Variants in FSTL4 observed in about 807,000 individuals in gnomAD.
FSTL4 encodes the protein follistatin like 4.
FSTL4 carries 28 observed loss-of-function variants against 78.2 expected under a neutral mutation model. That is an observed-to-expected ratio of 0.36 (90% confidence interval 0.27 to 0.49). FSTL4 has a LOEUF of 0.49. Among genes scored for constraint, FSTL4 ranks in the 20% least tolerant of loss-of-function variants. FSTL4 has a pLI of 0.98. For missense variants in FSTL4, 922 were observed against 1,084.9 expected, an observed-to-expected ratio of 0.85 and a Z score of 2.11; for synonymous variants, 422 against 440.5, an observed-to-expected ratio of 0.96 and a Z score of 0.53.
intron 12 of FSTL4, among the ~76,000 whole-genome samples, chr5:133,220,488 A>G (rs1242166703): frequency 2.0e-5 from 3 of 152,204 alleles, no homozygotes; most frequent in Non-Finnish European, 4.4e-5. Context: ...TTGACTGTGA[A>G]TTTCTGGAGG....
chr5:133,450,589 G>A (rs545275729), intron 3 of FSTL4, among the ~76,000 whole-genome samples: 62 of 152,354 alleles, frequency 4.1e-4, no homozygotes, highest in Admixed American at 1.7e-3. Flanking sequence ...GCAAGTGGAC[G>A]AGCTGGCATC....
chr5:133,840,429 T>C, the FSTL4 span, among the ~76,000 whole-genome samples: 1 of 152,124 alleles, frequency 6.6e-6, no homozygotes, highest in Non-Finnish European at 1.5e-5. Context: ...TTGCTGATAA[T>C]AAAAAATGGA....
At chr5:133,200,965 A>G (rs925222079) in intron 15 of FSTL4, among the ~76,000 whole-genome samples, 3 of 152,220 alleles carry the variant, frequency 2.0e-5, no homozygotes, top group East Asian at 1.9e-4. Flanking sequence ...CCTCAGCTGA[A>G]TACAGCTGCT....
chr5:133,532,859 C>T (rs1759284474), intron 3 of FSTL4, among the ~76,000 whole-genome samples: 1 of 152,016 alleles, frequency 6.6e-6, no homozygotes, highest in East Asian at 1.9e-4. Flanking sequence ...TGGTCAAGGG[C>T]CCTGGAGTCT....
Position 133,497,880 on chromosome 5 carries a change from G to T in FSTL4, c.160+69306C>A, listed in dbSNP as rs1002128818. Reference sequence around the variant, plus strand: ...GTGAAGGTTTACAGAAAGGAAATTCGCATGAAAGATTTTATCTAGAAGGTG... The same window carrying T: ...GTGAAGGTTTACAGAAAGGAAATTCTCATGAAAGATTTTATCTAGAAGGTG... On this transcript the variant is annotated intron_variant, in intron 3 of 15. Transcript: ENST00000265342. Among the ~76,000 whole-genome samples the T allele has an allele frequency of 6.6e-5, 10 of 152,246 alleles. No individual in the cohort carries two copies. The East Asian group carries it at 1.9e-3, about 29-fold the overall frequency.
At chr5:133,732,386 G>A in the FSTL4 span, among the ~76,000 whole-genome samples, 1 of 152,108 alleles carries the variant, frequency 6.6e-6, no homozygotes, top group African/African-American at 2.4e-5. Context: ...AGAACCAGAG[G>A]GCTGGAGACA....
chr5:133,311,465 G>A (rs1365677925), intron 6 of FSTL4, among the ~76,000 whole-genome samples: 1 of 152,138 alleles, frequency 6.6e-6, no homozygotes, highest in Non-Finnish European at 1.5e-5. Flanking sequence ...TCAAGCTCAT[G>A]GACACTGCCC....
chr5:133,736,763 T>C, the FSTL4 span, among the ~76,000 whole-genome samples: 78 of 152,258 alleles, frequency 5.1e-4, no homozygotes, highest in African/African-American at 1.8e-3. Context: ...AGCCTGCTGG[T>C]GTCCAACCTG....
At chr5:133,202,327 C>G (rs997984539) in intron 14 of FSTL4, 1 of 224,644 alleles carries the variant, frequency 4.5e-6, no homozygotes, top group Non-Finnish European at 8.7e-6. Flanking sequence ...TTGTCAGCCA[C>G]CATGATGGCA....
At chr5:133,827,495 T>C in the FSTL4 span, among the ~76,000 whole-genome samples, 12 of 152,072 alleles carry the variant, frequency 7.9e-5, no homozygotes, top group African/African-American at 2.4e-4. Context: ...ACGAGGAGGA[T>C]TGATTTCTCT....
At chr5:133,249,982 G>T (rs145627119) in intron 6 of FSTL4, among the ~76,000 whole-genome samples, 7 of 152,222 alleles carry the variant, frequency 4.6e-5, no homozygotes, top group South Asian at 2.1e-4. Flanking sequence ...TGCAGACAAG[G>T]TCTGCTGAGT....
chr5:133,832,780 C>T, the FSTL4 span, among the ~76,000 whole-genome samples: 1 of 152,134 alleles, frequency 6.6e-6, no homozygotes, highest in Non-Finnish European at 1.5e-5. Flanking sequence ...TTATAAAAAG[C>T]CAGACATACA....
intron 6 of FSTL4, chr5:133,276,015 T>C (rs1752875564): frequency 6.6e-6 from 1 of 152,282 alleles, no homozygotes; most frequent in Non-Finnish European, 1.5e-5. Context: ...TTTATAAATT[T>C]GTTTTAGCTT....
At chr5:133,250,853 G>A (rs2126824133) in intron 6 of FSTL4, among the ~76,000 whole-genome samples, 1 of 152,354 alleles carries the variant, frequency 6.6e-6, no homozygotes, top group South Asian at 2.1e-4. Flanking sequence ...AGATGAACAA[G>A]CTACGCTAGG....
intron 3 of FSTL4, among the ~76,000 whole-genome samples, chr5:133,549,487 A>AT (rs1216296173): frequency 6.6e-6 from 1 of 152,168 alleles, no homozygotes; most frequent in African/African-American, 2.4e-5. Context: ...TTTATTGCTT[A>AT]TAACACAGCA....
At chr5:133,800,764 T>C in the FSTL4 span, among the ~76,000 whole-genome samples, 2 of 87,236 alleles carry the variant, frequency 2.3e-5, no homozygotes, top group African/African-American at 8.0e-5. Flanking sequence ...TTTTCTAAAA[T>C]GACTTTCCTT....
chr5:133,409,750 C>A (rs1000686079), intron 3 of FSTL4, among the ~76,000 whole-genome samples: 2 of 152,186 alleles, frequency 1.3e-5, no homozygotes, highest in African/African-American at 2.4e-5. Flanking sequence ...GCTGCAGAGA[C>A]CCAAGACTGG....
chr5:133,601,077 T>C (rs371977), intron 2 of FSTL4, among the ~76,000 whole-genome samples: 115,047 of 151,758 alleles, frequency 0.76, 43,895 homozygotes, highest in East Asian at 0.96. Flanking sequence ...TGCAAGCCTG[T>C]CCGGCCTGCA....
At chr5:133,399,847 G>C (rs1218628064) in intron 4 of FSTL4, among the ~76,000 whole-genome samples, 1 of 152,214 alleles carries the variant, frequency 6.6e-6, no homozygotes, top group Non-Finnish European at 1.5e-5. Flanking sequence ...CTGCCTGCAA[G>C]CTGCTTCTGT....
Sources: allele counts gnomAD v4.1 joint callset (sites outside exome capture counted in the v4.1 genomes callset), GRCh38; gene constraint gnomAD v4.1.1; transcripts MANE v1.5; gene names NCBI Gene and HGNC (gene_info 2026-07-23, HGNC 2026-07-21).